The following SMYD4 variants were observed in gnomAD, a reference collection of about 807,000 sequenced individuals.
SMYD4 encodes the protein protein-lysine N-methyltransferase SMYD4.
Under a neutral mutation model 72.8 loss-of-function variants are expected in SMYD4, and 68 were observed. The ratio of observed to expected loss-of-function variants is 0.93; its 90% CI spans 0.77 to 1.14. SMYD4 has a LOEUF of 1.14. Among genes scored for constraint, SMYD4 ranks in the 50% most tolerant of loss-of-function variants. The probability of loss-of-function intolerance (pLI) is 0.00; values close to 1 mark genes in which losing one functional copy is unlikely to be tolerated. For missense variants in SMYD4, 984 were observed against 1,003.7 expected (o/e 0.98, Z 0.27); for synonymous variants, 407 against 388.6 (o/e 1.05, Z -0.56).
Position 1,784,434 on chromosome 17 carries a change from T to C in SMYD4, c.1912A>G (p.Arg638Gly). ...QGDDVLRCGS[R>G]SCAESAVSRD... The stretch of plus-strand genomic sequence containing the variant: ...CTGACGGCGGATTCTGCACAAGATC[T>C]GCTGCCACAGCGCAGCACGTCATCT... The change falls in exon 8 of 11, where the codon AGA (arginine) becomes GGA (glycine). Residue 638 changes from arginine to glycine, a missense_variant. Arg to Gly is a moderately radical substitution (Grantham distance 125). Transcript: ENST00000305513. 1 of 1,614,206 alleles carries C rather than the reference T, an allele frequency of 6.2e-7. No homozygotes were observed. The highest frequency in any genetic ancestry group is 8.5e-7 in the Non-Finnish European group (1 of 1,180,040).
Position 1,815,436 on chromosome 17 carries a change from GTGATTTT to G in SMYD4, c.135-3328_135-3322del, listed in dbSNP as rs1355067632. Among the ~76,000 whole-genome samples the G allele has an allele frequency of 2.7e-5, 4 of 150,622 alleles. No homozygotes were observed. The Admixed American group carries it at 2.7e-4, about 10-fold the overall frequency. Reference sequence around the variant, plus strand: ...GCTGTTCTCAAACTCCTGAGCTCAAGTGATTTTCCTGCCTTGGCCTCCCAAAGTGTTA... The same window carrying G: ...GCTGTTCTCAAACTCCTGAGCTCAAGCCTGCCTTGGCCTCCCAAAGTGTTA... On this transcript the variant is annotated intron_variant, in intron 2 of 10. Coordinates refer to ENST00000305513, the MANE Select transcript of SMYD4 (RefSeq NM_052928.3).
At chr17:1,808,265 T>C (rs935046933) in intron 3 of SMYD4, among the ~76,000 whole-genome samples, 2 of 152,156 alleles carry the variant, frequency 1.3e-5, no homozygotes, top group African/African-American at 4.8e-5. Context: ...TTTTTCTCTG[T>C]CATGGAACAC....
chr17:1,808,514 T>C, intron 3 of SMYD4, among the ~76,000 whole-genome samples: 1 of 152,224 alleles, frequency 6.6e-6, no homozygotes, highest in East Asian at 1.9e-4. Context: ...TGCTCCTCTG[T>C]ACTTTCCGAA....
intron 10 of SMYD4, 129 bp from the exon 11 acceptor site, chr17:1,781,568 T>A: frequency 1.9e-6 from 2 of 1,078,112 alleles, no homozygotes; most frequent in Non-Finnish European, 2.6e-6. Context: ...TCTAGAACAG[T>A]AAGTAAGACA....
intron 4 of SMYD4, among the ~76,000 whole-genome samples, chr17:1,802,264 G>A (rs1414953085): frequency 6.6e-6 from 1 of 152,148 alleles, no homozygotes; most frequent in East Asian, 1.9e-4. Flanking sequence ...ACCGAGGTGG[G>A]CGGATCACTT....
At chr17:1,825,717 T>C (rs1183365319) in intron 2 of SMYD4, among the ~76,000 whole-genome samples, 1 of 151,918 alleles carries the variant, frequency 6.6e-6, no homozygotes, top group Non-Finnish European at 1.5e-5. Flanking sequence ...TCTCACTATG[T>C]TGCCCAGGCT....
chr17:1,789,212 A>G (rs1477334398), intron 5 of SMYD4, among the ~76,000 whole-genome samples: 1 of 150,620 alleles, frequency 6.6e-6, no homozygotes, highest in Non-Finnish European at 1.5e-5. Context: ...AAATGGCAAA[A>G]CCCTGTCTCT....
rs1050118404 is a variant in SMYD4 at position 1,781,151 on chromosome 17, C to G, written c.*135G>C. The G allele has an allele frequency of 2.7e-5, 30 of 1,121,128 alleles. No homozygotes were observed. The highest frequency in any genetic ancestry group is 3.2e-4 in the Middle Eastern group (1 of 3,140). 69.4% of individuals were successfully genotyped at this position (1,121,128 alleles called of 1,614,324 possible). On this transcript the variant is annotated 3_prime_UTR_variant, in exon 11 of 11. Coordinates refer to ENST00000305513, the MANE Select transcript of SMYD4 (RefSeq NM_052928.3). ...GGCCAGGCTGGTCTTGAACTCCTGA[C>G]ATCAGGTGATCCGCCCACCTTAGCC...
intron 3 of SMYD4, among the ~76,000 whole-genome samples, chr17:1,809,885 G>A (rs1361863203): frequency 2.0e-5 from 3 of 151,696 alleles, no homozygotes; most frequent in East Asian, 1.9e-4. Flanking sequence ...TAGCCAGGAC[G>A]GTCTCAATCT....
rs58309758 is a variant in SMYD4 at position 1,800,884 on chromosome 17, T to C, written c.510A>G (p.Glu170=). 6,168 of 1,614,162 alleles carry C rather than the reference T, an allele frequency of 3.8e-3. 178 individuals are homozygous for C. In the African/African-American group the frequency reaches 0.07, roughly 18 times the overall value. ...QEASQTISDL[E]RNFTATPALA... ...GGGCTGGTGTGGCTGTGAAGTTCCTTTCAAGATCACTGATGGTCTGGCTTG... is the reference window on the plus strand; with the variant it reads ...GGGCTGGTGTGGCTGTGAAGTTCCTCTCAAGATCACTGATGGTCTGGCTTG... Residue 170 remains glutamate, a synonymous_variant, in exon 5 of 11, where the codon GAA becomes GAG. Transcript: ENST00000305513.
intron 5 of SMYD4, 143 bp downstream of exon 5, chr17:1,799,714 T>C: frequency 1.2e-6 from 1 of 825,996 alleles, no homozygotes; most frequent in Non-Finnish European, 1.8e-6. Context: ...TTAATGGCAT[T>C]GTGACAATAA....
chr17:1,783,030 C>G lies in SMYD4; in HGVS notation c.2261+5G>C, dbSNP rs758588311. On this transcript the variant is annotated splice_donor_5th_base_variant and intron_variant, in intron 10 of 10. Coordinates refer to ENST00000305513, the MANE Select transcript of SMYD4 (RefSeq NM_052928.3). ...TGTGCCCTGTGAAGTGGGAAAGGGA[C>G]TCACCCGTTGAAAAAGATCTGGGCC... 2 of 1,613,702 alleles carry G rather than the reference C, an allele frequency of 1.2e-6. No individual in the cohort carries two copies. The highest frequency in any genetic ancestry group is 1.7e-6 in the Non-Finnish European group (2 of 1,179,896).
Position 1,789,764 on chromosome 17 carries a change from C to CCA in SMYD4, c.1538-2161_1538-2160insTG, listed in dbSNP as rs71150816. Among the ~76,000 whole-genome samples, 235 of 90,072 alleles carry CCA rather than the reference C, an allele frequency of 2.6e-3. 17 individuals are homozygous for CCA. The highest frequency in any genetic ancestry group is 8.3e-3 in the Middle Eastern group (1 of 120). The allele number at this position is 90,072 out of a possible 152,430, so 59.1% of individuals were successfully genotyped here. ...TGGGTGAAAGAGCGAGACTCTGTCTCAAAAAAAAAAAAAAAGTTTTATAAA... is the reference window on the plus strand; with the variant it reads ...TGGGTGAAAGAGCGAGACTCTGTCTCCAAAAAAAAAAAAAAAAGTTTTATAAA... On this transcript the variant is annotated intron_variant, in intron 5 of 10. Transcript: ENST00000305513.
chr17:1,787,990 G>A (rs1908797610), intron 5 of SMYD4, among the ~76,000 whole-genome samples: 1 of 152,168 alleles, frequency 6.6e-6, no homozygotes, highest in African/African-American at 2.4e-5. Flanking sequence ...GACTTTTAGA[G>A]CCCAAGGGCT....
chr17:1,797,476 T>G (rs1345447155), intron 5 of SMYD4, among the ~76,000 whole-genome samples: 10 of 152,158 alleles, frequency 6.6e-5, no homozygotes, highest in Non-Finnish European at 1.5e-4. Flanking sequence ...CCCATCTATC[T>G]TAAGTAGTGT....
chr17:1,803,550 G>C (rs1163086076), intron 4 of SMYD4, among the ~76,000 whole-genome samples: 1 of 152,252 alleles, frequency 6.6e-6, no homozygotes, highest in African/African-American at 2.4e-5. Context: ...GGAGTGCAGT[G>C]GCACGATCTC....
At chr17:1,792,564 C>A (rs1178851544) in intron 5 of SMYD4, among the ~76,000 whole-genome samples, 1 of 151,592 alleles carries the variant, frequency 6.6e-6, no homozygotes. Flanking sequence ...TCAGTTGAAC[C>A]CTGGAGGTCG....
chr17:1,789,764 C>CAAAAAAAAAAAAA (rs60740904), intron 5 of SMYD4, among the ~76,000 whole-genome samples: 16 of 90,116 alleles, frequency 1.8e-4, no homozygotes, highest in South Asian at 3.6e-4. Flanking sequence ...GACTCTGTCT[C>CAAAAAAAAAAAAA]AAAAAAAAAA....
Position 1,799,796 on chromosome 17 carries a change from C to T in SMYD4, c.1537+61G>A, listed in dbSNP as rs551004309. The stretch of plus-strand genomic sequence containing the variant: ...CTATTTTCCTTTGGAATTGTTTCTT[C>T]TCAAACACCTGCTCCATCGAGAACA... On this transcript the variant is annotated intron_variant, in intron 5 of 10. Coordinates refer to ENST00000305513, the MANE Select transcript of SMYD4 (RefSeq NM_052928.3). 13 of 1,448,924 alleles carry T rather than the reference C, an allele frequency of 9.0e-6. No homozygotes were observed. In the African/African-American group the frequency reaches 1.7e-4, roughly 19 times the overall value. 89.8% of individuals were successfully genotyped at this position (1,448,924 alleles called of 1,614,324 possible).
Sources: allele counts gnomAD v4.1 joint callset (sites outside exome capture counted in the v4.1 genomes callset), GRCh38; gene constraint gnomAD v4.1.1; transcripts MANE v1.5; gene names NCBI Gene and HGNC (gene_info 2026-07-23, HGNC 2026-07-21).